Variants in TAF2 observed in about 807,000 individuals in gnomAD.
The protein encoded by TAF2 is TATA-box binding protein associated factor 2.
In TAF2, 61 loss-of-function variants were observed where a neutral mutation model predicts 138.5. The ratio of observed to expected loss-of-function variants is 0.44; its 90% CI spans 0.36 to 0.54. TAF2 has a LOEUF of 0.54. Ranked by LOEUF, TAF2 falls within the 20% of genes least tolerant of loss-of-function variation. The pLI is 0.00. For synonymous variants in TAF2, 475 were observed against 469.9 expected, an observed-to-expected ratio of 1.01 and a Z score of -0.14; for missense variants, 1,090 against 1,427.9, an observed-to-expected ratio of 0.76 and a Z score of 3.81.
chr8:119,797,228 A>G, intron 7 of TAF2, 125 bp from the exon 8 acceptor site: 4 of 738,150 alleles, frequency 5.4e-6, no homozygotes, highest in South Asian at 1.7e-5. Context: ...CCACCTTTCT[A>G]ATCTTTTCAA....
chr8:119,788,401 T>G lies in TAF2; in HGVS notation c.1730A>C (p.His577Pro). Residue 577 changes from histidine (H) to proline (P), a missense_variant, in exon 14 of 26, where the codon CAT (histidine) becomes CCT (proline). Physicochemically the swap from His to Pro is moderately conservative, Grantham distance 77. Transcript: ENST00000378164. ...TVQELDGSFN[H>P]TLQIEENSLK... Reference sequence around the variant, plus strand: ...GCTGTTTTCTTCAATTTGCAGTGTATGATTGAAGGATCCATCTAACTCCTG... The same window carrying G: ...GCTGTTTTCTTCAATTTGCAGTGTAGGATTGAAGGATCCATCTAACTCCTG... 2.5e-6 allele frequency: 4 copies of G among 1,613,564 alleles called. No individual in the cohort carries two copies. Among genetic ancestry groups the G allele is most frequent in the Non-Finnish European group, 3.4e-6 (4 of 1,179,876 alleles).
chr8:119,820,900 TAGGA>T (rs1458249957), intron 2 of TAF2, among the ~76,000 whole-genome samples: 2 of 152,216 alleles, frequency 1.3e-5, no homozygotes, highest in South Asian at 2.1e-4. Context: ...TGAGCTGCTG[TAGGA>T]AGGAAGACCA....
At chr8:119,762,878 G>A in intron 18 of TAF2, 1 of 288,252 alleles carries the variant, frequency 3.5e-6, no homozygotes, top group Non-Finnish European at 6.5e-6. Flanking sequence ...GTTAATGTAG[G>A]AGTTCTAGCC....
At chr8:119,739,026 TTTTA>T (rs981887006) in intron 25 of TAF2, among the ~76,000 whole-genome samples, 5 of 122,130 alleles carry the variant, frequency 4.1e-5, no homozygotes, top group Middle Eastern at 8.1e-3. Flanking sequence ...TTTTTTTTTT[TTTTA>T]AATTAAAAAA....
At chr8:119,776,782 TC>T (rs1822278064) in intron 18 of TAF2, among the ~76,000 whole-genome samples, 2 of 152,290 alleles carry the variant, frequency 1.3e-5, no homozygotes, top group South Asian at 4.1e-4. Context: ...CCTACATGGG[TC>T]CTACTCATAC....
At chr8:119,744,532 CT>C (rs1819822116) in intron 23 of TAF2, 139 bp from the exon 24 acceptor site, 4 of 734,026 alleles carry the variant, frequency 5.4e-6, no homozygotes, top group Non-Finnish European at 4.7e-6. Flanking sequence ...TAGTTTCTTT[CT>C]TCAAAGATAT....
chr8:119,823,961 G>A (rs1018685389), intron 2 of TAF2, among the ~76,000 whole-genome samples: 1 of 152,148 alleles, frequency 6.6e-6, no homozygotes, highest in African/African-American at 2.4e-5. Context: ...TTTTGCCCCT[G>A]CCCTAGAGAT....
intron 16 of TAF2, among the ~76,000 whole-genome samples, chr8:119,781,846 C>A (rs959333215): frequency 1.3e-5 from 2 of 152,084 alleles, no homozygotes; most frequent in Admixed American, 1.3e-4. Flanking sequence ...GACAACCACA[C>A]CTGGCTAATT....
At chr8:119,806,470 T>A (rs1219136160) in intron 3 of TAF2, 69 bp from the exon 4 acceptor site, 61 of 49,390 alleles carry the variant, frequency 1.2e-3, no homozygotes, top group Non-Finnish European at 1.6e-3. Context: ...TCTTTCTTTC[T>A]TTTTTTTTTT....
chr8:119,763,828 T>C (rs563716121), intron 18 of TAF2, among the ~76,000 whole-genome samples: 282 of 151,596 alleles, frequency 1.9e-3, no homozygotes, highest in Non-Finnish European at 2.9e-3. Flanking sequence ...TACTCCAGCC[T>C]GGGTGACAGA....
chr8:119,764,123 G>T (rs1322674458), intron 18 of TAF2, among the ~76,000 whole-genome samples: 1 of 151,982 alleles, frequency 6.6e-6, no homozygotes, highest in African/African-American at 2.4e-5. Flanking sequence ...TCCAGCCTGG[G>T]TGAGAGAGCC....
intron 3 of TAF2, among the ~76,000 whole-genome samples, chr8:119,810,012 A>C (rs906010589): frequency 2.0e-5 from 3 of 151,734 alleles, no homozygotes; most frequent in African/African-American, 4.8e-5. Flanking sequence ...AAAAAAAAAA[A>C]AAAAACAGTA....
chr8:119,791,984 T>C lies in TAF2; in HGVS notation c.1278-525A>G, dbSNP rs148520724. On this transcript the variant is annotated intron_variant, in intron 10 of 25. Transcript: ENST00000378164. ...CATTTTGACACAATGAAAAGGATCA[T>C]AAGTAAATTTAGAGAAAGATACAGT... 490 of 152,938 alleles carry C rather than the reference T, an allele frequency of 3.2e-3. 10 individuals are homozygous for C. Among genetic ancestry groups the C allele is most frequent in the Admixed American group, 0.016 (239 of 15,348 alleles). The allele number at this position is 152,938 out of a possible 1,614,324, so 9.5% of individuals were successfully genotyped here. A position where few individuals can be genotyped will look rare whatever the true frequency, so the allele number is the denominator to read the frequency against.
intron 22 of TAF2, among the ~76,000 whole-genome samples, chr8:119,755,458 C>G (rs1481729573): frequency 6.6e-6 from 1 of 152,108 alleles, no homozygotes; most frequent in Non-Finnish European, 1.5e-5. Flanking sequence ...GGCCACACCA[C>G]TGCACTCCAA....
In TAF2 at chr8:119,788,812, G is replaced by A; in HGVS notation, c.1661C>T (p.Ser554Phe). Residue 554 changes from serine to phenylalanine, a missense_variant, in exon 13 of 26, where the codon TCT becomes TTT. Physicochemically the swap from Ser to Phe is radical, Grantham distance 155. Transcript: ENST00000378164. ...TACCACGTATTTCTGAGTTCCAGGA[G>A]ATGTATAGTCCTGTTTTATTTCCAG... ...LELEIKQDYTSPGTQKYVGPL... is the reference protein window; with the variant it reads ...LELEIKQDYTFPGTQKYVGPL... 1.2e-6 allele frequency: 2 copies of A among 1,613,350 alleles called. No individual in the cohort carries two copies. The highest frequency in any genetic ancestry group is 1.7e-6 in the Non-Finnish European group (2 of 1,179,400).
intron 2 of TAF2, among the ~76,000 whole-genome samples, chr8:119,822,859 A>T (rs750143879): frequency 6.6e-6 from 1 of 152,194 alleles, no homozygotes; most frequent in African/African-American, 2.4e-5. Flanking sequence ...AAGAATAACA[A>T]AAGCATTTAT....
Position 119,744,322 on chromosome 8 carries a change from A to G in TAF2, c.3180T>C (p.His1060=). Residue 1060 remains histidine (H), a synonymous_variant, in exon 24 of 26, where the codon CAT becomes CAC. Transcript: ENST00000378164. The part of the protein sequence containing the change: ...TVHDSQAFIS[H]HLNMLERPST... ...ACGGCCTTTCAAGCATGTTTAAATG[A>G]TGGGAAATGAAGGCCTGGCTATCAT... The G allele has an allele frequency of 1.2e-6, 2 of 1,613,844 alleles. No individual in the cohort carries two copies. The highest frequency in any genetic ancestry group is 1.7e-6 in the Non-Finnish European group (2 of 1,179,916).
chr8:119,805,960 A>G (rs1824608599), intron 4 of TAF2, among the ~76,000 whole-genome samples: 1 of 150,644 alleles, frequency 6.6e-6, no homozygotes, highest in South Asian at 2.1e-4. Flanking sequence ...GTTGGAGTGC[A>G]GGGGTGCGAT....
At position 119,812,382 on chromosome 8, in the gene TAF2, G is replaced by A. The variant is rs547732108; in HGVS notation, c.300-5981C>T. 1.1e-4 allele frequency among the ~76,000 whole-genome samples: 16 copies of A among 151,568 alleles called. No individual in the cohort carries two copies. The South Asian group carries it at 3.3e-3, about 32-fold the overall frequency. The stretch of plus-strand genomic sequence containing the variant: ...TGTACAAGTGGTTTTTGGTTACATA[G>A]ATGAATTTTACAATAGGAATGTCTG... On this transcript the variant is annotated intron_variant, in intron 3 of 25. Coordinates refer to ENST00000378164, the MANE Select transcript of TAF2 (RefSeq NM_003184.4).
Sources: gnomAD v4.1 joint callset for allele counts (sites outside exome capture counted in the v4.1 genomes callset) on GRCh38, gnomAD v4.1.1 for gene constraint, MANE v1.5 for transcripts, NCBI Gene and HGNC (gene_info 2026-07-23, HGNC 2026-07-21) for gene names.